Variants in DGKB observed in about 807,000 individuals in gnomAD.
DGKB encodes the protein 90 kDa diacylglycerol kinase.
Under a neutral mutation model 114.3 loss-of-function variants are expected in DGKB, and 67 were observed. That is an observed-to-expected ratio of 0.59 (90% CI 0.48 to 0.72). DGKB has a LOEUF of 0.72. Ranked by LOEUF, DGKB falls within the 30% of genes least tolerant of loss-of-function variation. DGKB has a pLI of 0.00. For synonymous variants in DGKB, 398 were observed against 323.1 expected (o/e 1.23, Z -2.49); for missense variants, 907 against 975.2 (o/e 0.93, Z 0.93).
chr7:14,332,197 G>A (rs1809845988), intron 23 of DGKB, among the ~76,000 whole-genome samples: 1 of 152,036 alleles, frequency 6.6e-6, no homozygotes. Flanking sequence ...CTTCTAATCT[G>A]GGCTTTTCTC....
intron 20 of DGKB, among the ~76,000 whole-genome samples, chr7:14,520,683 A>T (rs1475585758): frequency 6.6e-6 from 1 of 151,998 alleles, no homozygotes; most frequent in Non-Finnish European, 1.5e-5. Context: ...GGTCAGAGCA[A>T]CACCTAGTAT....
In DGKB at chr7:14,856,117, A is replaced by C. The variant is rs1246921891; in HGVS notation, c.-187-14667T>G. On this transcript the variant is annotated intron_variant, in intron 1 of 25. Transcript: ENST00000402815. ...ACAGATAAAATCAGATCTAAAAGTC[A>C]GATATAAGTCTAATGGCATTAAGAA... 2.6e-5 allele frequency among the ~76,000 whole-genome samples: 4 copies of C among 152,080 alleles called. No homozygotes were observed. The East Asian group carries it at 5.8e-4, about 22-fold the overall frequency.
At chr7:14,450,351 T>A (rs1203700984) in intron 21 of DGKB, among the ~76,000 whole-genome samples, 1 of 152,140 alleles carries the variant, frequency 6.6e-6, no homozygotes, top group East Asian at 1.9e-4. Context: ...AGCGTTTTTC[T>A]TTGTATTTCC....
intron 25 of DGKB, among the ~76,000 whole-genome samples, chr7:14,154,818 C>CTATT (rs1458061776): frequency 4.7e-5 from 7 of 149,298 alleles, no homozygotes; most frequent in Admixed American, 3.4e-4. Flanking sequence ...CACAGGATGG[C>CTATT]TATTTTTCTT....
chr7:14,910,115 A>T (rs1783906196), intron 1 of DGKB, among the ~76,000 whole-genome samples: 1 of 151,622 alleles, frequency 6.6e-6, no homozygotes, highest in Admixed American at 6.6e-5. Context: ...CTAGTGACTA[A>T]TGTAGTCCCT....
rs1584574769 is a variant in DGKB at position 14,227,652 on chromosome 7, G to C, written c.2123-49501C>G. ...GGCAGCAATCTTGTTTATTGGCCTA[G>C]TCCTTTGTGCTGGAGTATATTAAAA... On this transcript the variant is annotated intron_variant, in intron 23 of 25. Coordinates refer to ENST00000402815, the MANE Select transcript of DGKB (RefSeq NM_001350709.2). Among the ~76,000 whole-genome samples the C allele has an allele frequency of 2.6e-5, 4 of 152,090 alleles. No individual in the cohort carries two copies. In the South Asian group the frequency reaches 8.3e-4, roughly 32 times the overall value.
intron 25 of DGKB, among the ~76,000 whole-genome samples, chr7:14,172,972 T>G (rs562064439): frequency 6.6e-6 from 1 of 152,230 alleles, no homozygotes; most frequent in Non-Finnish European, 1.5e-5. Flanking sequence ...TAAAATAGAC[T>G]CTGGAGTCTG....
intron 21 of DGKB, among the ~76,000 whole-genome samples, chr7:14,394,780 G>GCTA (rs1821971822): frequency 2.0e-5 from 3 of 152,028 alleles, no homozygotes; most frequent in Admixed American, 1.3e-4. Flanking sequence ...TTCTAAGGAT[G>GCTA]CTAGGTTCAA....
chr7:14,830,070 G>T (rs530937649), intron 2 of DGKB, among the ~76,000 whole-genome samples: 1 of 152,046 alleles, frequency 6.6e-6, no homozygotes, highest in African/African-American at 2.4e-5. Flanking sequence ...CACCTGCAAA[G>T]ATGAGTATGG....
chr7:14,789,151 G>A (rs184474474), intron 2 of DGKB, among the ~76,000 whole-genome samples: 8 of 151,942 alleles, frequency 5.3e-5, no homozygotes, highest in East Asian at 1.9e-4. Context: ...TAGAGATCTC[G>A]TGTGTCCTTT....
chr7:14,775,885 G>A (rs900488327), intron 2 of DGKB, among the ~76,000 whole-genome samples: 2 of 152,084 alleles, frequency 1.3e-5, no homozygotes, highest in Admixed American at 6.5e-5. Context: ...CCGAAAATGT[G>A]GAAGTGACTT....
intron 17 of DGKB, among the ~76,000 whole-genome samples, chr7:14,600,472 A>G (rs2128762880): frequency 6.6e-6 from 1 of 152,274 alleles, no homozygotes; most frequent in South Asian, 2.1e-4. Context: ...AGCATCAACT[A>G]AAAAGTCTAA....
chr7:14,718,648 C>A lies in DGKB; in HGVS notation c.360G>T (p.Arg120=), dbSNP rs1997040. 6.2e-7 allele frequency: 1 copy of A among 1,611,244 alleles called. No individual in the cohort carries two copies. ...RMNKGAITPP[R]TTSPANTCSP... is the part of the protein sequence containing the mutation. Reference sequence around the variant, plus strand: ...AACACGTATTTGCAGGAGAAGTAGTCCGGGGAGGGGTGATGGCACCTTTAT... The same window carrying A: ...AACACGTATTTGCAGGAGAAGTAGTACGGGGAGGGGTGATGGCACCTTTAT... The change falls in exon 6 of 26, where the codon CGG becomes CGT. Residue 120 remains arginine, a synonymous_variant. Coordinates refer to ENST00000402815, the MANE Select transcript of DGKB (RefSeq NM_001350709.2).
rs377325484 is a variant in DGKB, at chr7:14,313,335, T to G, written c.2122+25180A>C. On this transcript the variant is annotated intron_variant, in intron 23 of 25. Transcript: ENST00000402815. ...CAGCCTGAGCGACGCAGAAGACGGGTGATTTCTGCAATTCCATCTGAGGTA... is the reference window on the plus strand; with the variant it reads ...CAGCCTGAGCGACGCAGAAGACGGGGGATTTCTGCAATTCCATCTGAGGTA... Among the ~76,000 whole-genome samples, 322 of 151,904 alleles carry G rather than the reference T, an allele frequency of 2.1e-3. 2 individuals carry two copies. Among genetic ancestry groups the G allele is most frequent in the African/African-American group, 6.6e-3 (275 of 41,360 alleles).
chr7:14,853,700 C>A (rs905628302), intron 1 of DGKB, among the ~76,000 whole-genome samples: 3 of 151,202 alleles, frequency 2.0e-5, no homozygotes, highest in African/African-American at 7.3e-5. Context: ...ACTGAAAATA[C>A]AACAACAACA....
intron 3 of DGKB, among the ~76,000 whole-genome samples, chr7:14,755,381 T>C (rs1251584673): frequency 6.6e-6 from 1 of 152,136 alleles, no homozygotes; most frequent in Non-Finnish European, 1.5e-5. Flanking sequence ...CTTTATGTTG[T>C]AGGAGGATAA....
At chr7:14,299,913 C>CAA (rs368229403) in intron 23 of DGKB, among the ~76,000 whole-genome samples, 1 of 149,394 alleles carries the variant, frequency 6.7e-6, no homozygotes, top group Non-Finnish European at 1.5e-5. Context: ...AAGCAAAACA[C>CAA]AAAAAAAATA....
intron 16 of DGKB, among the ~76,000 whole-genome samples, chr7:14,612,233 G>A (rs1403096553): frequency 7.0e-6 from 1 of 143,716 alleles, no homozygotes; most frequent in Admixed American, 7.1e-5. Flanking sequence ...GGAGTGCAGT[G>A]GCACGATCTT....
At chr7:14,853,323 C>T (rs750822112) in intron 1 of DGKB, among the ~76,000 whole-genome samples, 4 of 152,000 alleles carry the variant, frequency 2.6e-5, no homozygotes, top group Non-Finnish European at 5.9e-5. Context: ...CTTCTGAAAG[C>T]ATTGCCTTAT....
Sources: gnomAD v4.1 joint callset for allele counts (sites outside exome capture counted in the v4.1 genomes callset) on GRCh38, gnomAD v4.1.1 for gene constraint, MANE v1.5 for transcripts, NCBI Gene and HGNC (gene_info 2026-07-23, HGNC 2026-07-21) for gene names.